The following SEMA4B variants were observed in gnomAD, a reference collection of about 807,000 sequenced individuals.
The protein encoded by SEMA4B is semaphorin 4B, also known as semaphorin-4B.
A neutral mutation model predicts 88.1 loss-of-function variants in SEMA4B; 55 were observed. That is an observed-to-expected ratio of 0.62 (90% CI 0.50 to 0.78). The LOEUF is 0.78. Ranked by LOEUF, SEMA4B falls within the 30% of genes least tolerant of loss-of-function variation. The pLI, the probability that SEMA4B is intolerant of heterozygous loss-of-function variation, is 0.00. For synonymous variants in SEMA4B, 525 were observed against 473.6 expected (o/e 1.11, Z -1.41); for missense variants, 1,062 against 1,111.9 (o/e 0.96, Z 0.64).
rs1961578116 is a variant in SEMA4B at position 90,217,312 on chromosome 15, C to T, written c.158-127C>T. On this transcript the variant is annotated intron_variant, in intron 1 of 13. Transcript: ENST00000411539. ...TCAAACCTGATCCCCCTGCCCCCAG[C>T]CCCTTGCCATTGCCACCCTTTGCCT... 5 of 870,206 alleles carry T rather than the reference C, an allele frequency of 5.7e-6. No homozygotes were observed. The Admixed American group carries it at 1.4e-4, about 24-fold the overall frequency. The allele number at this position is 870,206 out of a possible 1,614,324, so 53.9% of individuals were successfully genotyped here.
chr15:90,189,976 A>T (rs563427898), intron 1 of SEMA4B, among the ~76,000 whole-genome samples: 1 of 152,288 alleles, frequency 6.6e-6, no homozygotes, highest in Admixed American at 6.5e-5. Flanking sequence ...GGTTTGTGGA[A>T]ACCAAAAGAT....
intron 1 of SEMA4B, among the ~76,000 whole-genome samples, chr15:90,213,399 A>ACC (rs1413103588): frequency 6.6e-6 from 1 of 152,088 alleles, no homozygotes; most frequent in African/African-American, 2.4e-5. Flanking sequence ...GGGGCCCTTC[A>ACC]CCCCCCTCTC....
intron 12 of SEMA4B, among the ~76,000 whole-genome samples, chr15:90,226,348 T>C (rs1342802307): frequency 6.6e-6 from 1 of 152,188 alleles, no homozygotes; most frequent in Non-Finnish European, 1.5e-5. Flanking sequence ...TTCATTTCAT[T>C]TCATTTATCT....
intron 1 of SEMA4B, among the ~76,000 whole-genome samples, chr15:90,195,058 T>C (rs1315513778): frequency 3.3e-5 from 5 of 152,012 alleles, no homozygotes; most frequent in East Asian, 1.9e-4. Context: ...TTTTTTTTTT[T>C]CCAACATTCA....
chr15:90,227,409 A>G, intron 12 of SEMA4B, 148 bp from the exon 13 acceptor site: 1 of 623,644 alleles, frequency 1.6e-6, no homozygotes. Flanking sequence ...ACTTGAAATA[A>G]TGTGTAGACA....
In SEMA4B at chr15:90,224,983, G is replaced by T; in HGVS notation, c.1210G>T (p.Ala404Ser). Residue 404 changes from alanine to serine, a missense_variant, in exon 10 of 14, where the codon GCC becomes TCC. By Grantham distance (99) the Ala-to-Ser change is moderately conservative. Coordinates refer to ENST00000411539, the MANE Select transcript of SEMA4B (RefSeq NM_198925.4). ...PRPGACITNSARERKINSSLQ... is the reference protein window; with the variant it reads ...PRPGACITNSSRERKINSSLQ... ...TCTCCTCCAGTGCATCACCAACAGT[G>T]CCCGGGAAAGGAAGATCAACTCATC... The T allele has an allele frequency of 1.2e-6, 2 of 1,613,912 alleles. No homozygotes were observed. Among genetic ancestry groups the T allele is most frequent in the Non-Finnish European group, 1.7e-6 (2 of 1,179,854 alleles).
chr15:90,224,997 G>C lies in SEMA4B; in HGVS notation c.1224G>C (p.Lys408Asn). Reference sequence around the variant, plus strand: ...TCACCAACAGTGCCCGGGAAAGGAAGATCAACTCATCCCTGCAGCTCCCAG... The same window carrying C: ...TCACCAACAGTGCCCGGGAAAGGAACATCAACTCATCCCTGCAGCTCCCAG... ...ACITNSARER[K>N]INSSLQLPDR... The change falls in exon 10 of 14, where the codon AAG (lysine) becomes AAC (asparagine). Residue 408 changes from lysine to asparagine, a missense_variant. Physicochemically the swap from Lys to Asn is moderately conservative, Grantham distance 94. Transcript: ENST00000411539. 6.2e-7 allele frequency: 1 copy of C among 1,613,944 alleles called. No homozygotes were observed. The highest frequency in any genetic ancestry group is 8.5e-7 in the Non-Finnish European group (1 of 1,179,876).
chr15:90,215,378 A>AT (rs139467595), intron 1 of SEMA4B, among the ~76,000 whole-genome samples: 4,050 of 152,056 alleles, frequency 0.027, 164 homozygotes, highest in African/African-American at 0.086. Flanking sequence ...ATCCTTCTGG[A>AT]TTTTTTTCCT....
chr15:90,210,949 T>A (rs975495464), intron 1 of SEMA4B, among the ~76,000 whole-genome samples: 20 of 152,138 alleles, frequency 1.3e-4, no homozygotes, highest in African/African-American at 4.8e-4. Flanking sequence ...AGAATGGACA[T>A]TGGAACAAAA....
upstream of SEMA4B, among the ~76,000 whole-genome samples, chr15:90,198,551 G>T (rs908497273): frequency 2.0e-5 from 3 of 152,182 alleles, no homozygotes; most frequent in East Asian, 5.8e-4. Flanking sequence ...AAGGAGATAA[G>T]GGGCATATTA....
upstream of SEMA4B, chr15:90,201,256 G>A: frequency 9.8e-7 from 1 of 1,024,648 alleles, no homozygotes; most frequent in Non-Finnish European, 1.2e-6. Context: ...CCAGCGCCCG[G>A]GAAGGAGGAA....
chr15:90,209,240 G>A (rs1419195431), intron 1 of SEMA4B, among the ~76,000 whole-genome samples: 1 of 152,118 alleles, frequency 6.6e-6, no homozygotes, highest in Non-Finnish European at 1.5e-5. Flanking sequence ...TGAAGATGCT[G>A]TCAGCTTGGT....
At chr15:90,215,782 T>A (rs12324595) in intron 1 of SEMA4B, among the ~76,000 whole-genome samples, 109,983 of 152,012 alleles carry the variant, frequency 0.72, 40,891 homozygotes, top group East Asian at 0.94. Flanking sequence ...AGTGCACTCC[T>A]GCCTGGGCAA....
chr15:90,222,480 G>C (rs112407097), intron 7 of SEMA4B, among the ~76,000 whole-genome samples: 69 of 151,748 alleles, frequency 4.5e-4, no homozygotes, highest in African/African-American at 1.6e-3. Flanking sequence ...TGTGGCAAGA[G>C]AATCGCTTGA....
intron 4 of SEMA4B, 99 bp from the exon 5 acceptor site, chr15:90,220,883 C>T (rs1036607502): frequency 1.6e-5 from 12 of 747,186 alleles, no homozygotes; most frequent in Non-Finnish European, 2.6e-5. Context: ...CCTCACCTGC[C>T]TGCAGAGTTG....
At chr15:90,214,945 T>C in intron 1 of SEMA4B, 1 of 1,271,302 alleles carries the variant, frequency 7.9e-7, no homozygotes, top group Non-Finnish European at 1.0e-6. Context: ...AGGCTGGGGG[T>C]ATGTAAAAAC....
In SEMA4B at chr15:90,221,491, C is replaced by A; in HGVS notation, c.709+11C>A. The A allele has an allele frequency of 6.2e-7, 1 of 1,601,900 alleles. No homozygotes were observed. The highest frequency in any genetic ancestry group is 8.5e-7 in the Non-Finnish European group (1 of 1,174,066). The stretch of plus-strand genomic sequence containing the variant: ...TCAACTGGCTGCAAGGTGAAGTCCT[C>A]TTGCCACCACCCAGAGGGCAGGGAT... On this transcript the variant is annotated intron_variant, in intron 6 of 13. Transcript: ENST00000411539.
rs1013186927 is a variant in SEMA4B at position 90,229,238 on chromosome 15, C to G, written c.*595C>G. The G allele has an allele frequency of 4.4e-6, 2 of 452,380 alleles. No individual in the cohort carries two copies. Among genetic ancestry groups the G allele is most frequent in the African/African-American group, 4.0e-5 (2 of 49,988 alleles). 28.0% of individuals were successfully genotyped at this position (452,380 alleles called of 1,614,324 possible). A position where few individuals can be genotyped will look rare whatever the true frequency, so the allele number is the denominator to read the frequency against. On this transcript the variant is annotated 3_prime_UTR_variant, in exon 14 of 14. Coordinates refer to ENST00000411539, the MANE Select transcript of SEMA4B (RefSeq NM_198925.4). The stretch of plus-strand genomic sequence containing the variant: ...CAGGGACCAGAGGGCTAGGTTGGCA[C>G]TGCGGCCCTCACCAGGTCCTGGGCT...
At chr15:90,224,281 G>A (rs908765582) in intron 9 of SEMA4B, among the ~76,000 whole-genome samples, 1 of 152,248 alleles carries the variant, frequency 6.6e-6, no homozygotes, top group Admixed American at 6.5e-5. Context: ...CTACTCAGCT[G>A]CAAGCTCCTT....
Sources: allele counts gnomAD v4.1 joint callset (sites outside exome capture counted in the v4.1 genomes callset), GRCh38; gene constraint gnomAD v4.1.1; transcripts MANE v1.5; gene names NCBI Gene and HGNC (gene_info 2026-07-23, HGNC 2026-07-21).